NELL1: variants seen among roughly 807,000 people sequenced by gnomAD.
NELL1 encodes the protein protein kinase C-binding protein NELL1.
In NELL1, 76 loss-of-function variants were observed where a neutral mutation model predicts 107.4. That is an observed-to-expected ratio of 0.71 (90% CI 0.59 to 0.86). The LOEUF (loss-of-function observed/expected upper bound fraction) is 0.86. Ranked by LOEUF, NELL1 falls within the 40% of genes least tolerant of loss-of-function variation. The pLI, the probability that NELL1 is intolerant of heterozygous loss-of-function variation, is 0.00. For synonymous variants in NELL1, 353 were observed against 341.2 expected (o/e 1.03, Z -0.38); for missense variants, 1,024 against 1,005.5 (o/e 1.02, Z -0.25).
chr11:21,532,695 T>C (rs147418907), intron 15 of NELL1, among the ~76,000 whole-genome samples: 229 of 152,276 alleles, frequency 1.5e-3, no homozygotes, highest in Non-Finnish European at 2.4e-3. Flanking sequence ...AGAGGTAGAA[T>C]TGGTTGCTGC....
chr11:21,325,660 G>A (rs529981715), intron 14 of NELL1, among the ~76,000 whole-genome samples: 8 of 151,904 alleles, frequency 5.3e-5, no homozygotes, highest in East Asian at 1.9e-4. Flanking sequence ...AGTGAAATAC[G>A]TAAATCACAA....
intron 15 of NELL1, among the ~76,000 whole-genome samples, chr11:21,525,564 C>A (rs1177069449): frequency 1.3e-5 from 2 of 152,182 alleles, no homozygotes; most frequent in African/African-American, 2.4e-5. Flanking sequence ...CTCCCATATT[C>A]TAGAATATTA....
chr11:21,509,124 A>G (rs1855370259), intron 15 of NELL1, among the ~76,000 whole-genome samples: 1 of 152,194 alleles, frequency 6.6e-6, no homozygotes. Context: ...ATATAGAAAG[A>G]TGTTTTACTA....
At chr11:20,785,258 C>A (rs116664335) in intron 3 of NELL1, among the ~76,000 whole-genome samples, 2 of 152,336 alleles carry the variant, frequency 1.3e-5, no homozygotes, top group African/African-American at 4.8e-5. Context: ...TTGTTCTCAG[C>A]CTCAAAGCGT....
At chr11:21,217,332 G>A (rs546332873) in intron 13 of NELL1, among the ~76,000 whole-genome samples, 76 of 152,250 alleles carry the variant, frequency 5.0e-4, no homozygotes, top group African/African-American at 1.8e-3. Context: ...GGTAGGCAAA[G>A]GGTACATTGG....
intron 13 of NELL1, among the ~76,000 whole-genome samples, chr11:21,222,435 A>G (rs941276447): frequency 1.1e-4 from 16 of 151,222 alleles, no homozygotes; most frequent in Admixed American, 6.6e-4. Context: ...TGACCTCATG[A>G]TCTGCCTGCC....
chr11:21,184,885 T>C (rs1856900123), intron 13 of NELL1, among the ~76,000 whole-genome samples: 1 of 151,826 alleles, frequency 6.6e-6, no homozygotes, highest in Non-Finnish European at 1.5e-5. Flanking sequence ...AAATATAATA[T>C]TAAAAAAATT....
intron 15 of NELL1, among the ~76,000 whole-genome samples, chr11:21,488,442 G>T (rs973787860): frequency 3.3e-5 from 5 of 152,084 alleles, no homozygotes; most frequent in African/African-American, 1.2e-4. Context: ...GTCTTTGTAT[G>T]ATTTCCTGGC....
intron 14 of NELL1, among the ~76,000 whole-genome samples, chr11:21,310,932 A>T (rs1361804116): frequency 6.6e-6 from 1 of 152,198 alleles, no homozygotes; most frequent in South Asian, 2.1e-4. Flanking sequence ...TTTGAATATA[A>T]TCTGTCATTC....
At chr11:21,303,513 T>TC (rs1180216577) in intron 14 of NELL1, among the ~76,000 whole-genome samples, 1 of 152,022 alleles carries the variant, frequency 6.6e-6, no homozygotes, top group Admixed American at 6.6e-5. Context: ...TATGATTCCC[T>TC]CTCCATGAGG....
chr11:20,727,549 C>G (rs1239899898), intron 2 of NELL1, among the ~76,000 whole-genome samples: 1 of 152,114 alleles, frequency 6.6e-6, no homozygotes, highest in East Asian at 1.9e-4. Flanking sequence ...TGTAGGTTGC[C>G]TGTTCACTCT....
chr11:20,942,025 C>T (rs2403645), intron 10 of NELL1, among the ~76,000 whole-genome samples: 9,440 of 152,182 alleles, frequency 0.062, 383 homozygotes, highest in East Asian at 0.2. Flanking sequence ...CTCTTACTTA[C>T]ATTGTTTCAT....
intron 13 of NELL1, among the ~76,000 whole-genome samples, chr11:21,181,718 G>A (rs185461677): frequency 6.6e-6 from 1 of 151,698 alleles, no homozygotes; most frequent in Non-Finnish European, 1.5e-5. Flanking sequence ...CTCTATTATC[G>A]CAGGCTAAAT....
At chr11:21,251,312 G>A (rs1858631724) in intron 14 of NELL1, among the ~76,000 whole-genome samples, 1 of 152,084 alleles carries the variant, frequency 6.6e-6, no homozygotes, top group Non-Finnish European at 1.5e-5. Flanking sequence ...AATTTCTGAG[G>A]TGAGGGCATT....
intron 14 of NELL1, among the ~76,000 whole-genome samples, chr11:21,233,815 C>T (rs1858127336): frequency 6.6e-6 from 1 of 152,332 alleles, no homozygotes; most frequent in Admixed American, 6.5e-5. Context: ...ACTATGTCTT[C>T]TCTCTTATCT....
At chr11:21,194,884 T>A (rs1857120631) in intron 13 of NELL1, among the ~76,000 whole-genome samples, 1 of 152,028 alleles carries the variant, frequency 6.6e-6, no homozygotes. Flanking sequence ...CACCAACCAC[T>A]GGGGAGTAAG....
intron 14 of NELL1, among the ~76,000 whole-genome samples, chr11:21,235,578 G>C (rs2959173): frequency 0.022 from 3,324 of 152,122 alleles, 108 homozygotes; most frequent in African/African-American, 0.075. Context: ...TGAAATAACT[G>C]GACCAGGTGA....
chr11:21,279,391 A>G (rs11025999), intron 14 of NELL1, among the ~76,000 whole-genome samples: 1,832 of 152,342 alleles, frequency 0.012, 18 homozygotes, highest in Non-Finnish European at 0.02. Flanking sequence ...TGTTGTCCGA[A>G]ATATACAAAG....
At chr11:21,429,866 T>A (rs1030854464) in intron 15 of NELL1, among the ~76,000 whole-genome samples, 4 of 152,162 alleles carry the variant, frequency 2.6e-5, no homozygotes, top group African/African-American at 7.2e-5. Flanking sequence ...GGACATCAGC[T>A]CTTTAAAGGC....
Sources: gnomAD v4.1 joint callset for allele counts (sites outside exome capture counted in the v4.1 genomes callset) on GRCh38, gnomAD v4.1.1 for gene constraint, MANE v1.5 for transcripts, NCBI Gene and HGNC (gene_info 2026-07-23, HGNC 2026-07-21) for gene names.